The following ARMC3 variants were observed in gnomAD, a reference collection of about 807,000 sequenced individuals.
ARMC3 encodes the protein armadillo repeat containing 3.
Under a neutral mutation model 90.3 loss-of-function variants are expected in ARMC3, and 74 were observed. The observed-to-expected ratio is 0.82, with a 90% CI of 0.68 to 0.99. The LOEUF (loss-of-function observed/expected upper bound fraction) is 0.99, where lower values mean the gene tolerates loss of function less well. ARMC3 is among the 50% of genes least tolerant of loss of function. The pLI is 0.00. For missense variants in ARMC3, 958 were observed against 1,042.8 expected (o/e 0.92, Z 1.12); for synonymous variants, 334 against 361.8 (o/e 0.92, Z 0.87).
At position 22,998,242 on chromosome 10, in the gene ARMC3, A is replaced by G. The variant is rs540042283; in HGVS notation, c.1270A>G (p.Asn424Asp). The G allele has an allele frequency of 1.9e-6, 3 of 1,613,042 alleles. No individual in the cohort carries two copies. Among genetic ancestry groups the G allele is most frequent in the East Asian group, 4.5e-5 (2 of 44,814 alleles). The change falls in exon 11 of 19, where the codon AAC becomes GAC. Residue 424 changes from asparagine to aspartate, a missense_variant. By Grantham distance (23) the Asn-to-Asp change is conservative (BLOSUM62 1). Coordinates refer to ENST00000298032, the MANE Select transcript of ARMC3 (RefSeq NM_173081.5). ...AIANAATVLT[N>D]MAMQEPLRLN... ...TGCCAACGCTGCTACAGTATTAACA[A>G]ACATGGCCATGCAGGAGCCCCTGCG...
At chr10:22,983,292 A>T (rs537757152) in intron 10 of ARMC3, among the ~76,000 whole-genome samples, 2 of 152,304 alleles carry the variant, frequency 1.3e-5, no homozygotes, top group South Asian at 4.1e-4. Context: ...ACATAAAATC[A>T]TAGAAAATTA....
intron 16 of ARMC3, chr10:23,014,322 C>G: frequency 7.1e-7 from 1 of 1,404,084 alleles, no homozygotes; most frequent in Non-Finnish European, 9.3e-7. Flanking sequence ...GCTCAATGTG[C>G]GTCCCTTCTC....
rs906747874 is a variant in ARMC3, at chr10:23,037,433, T to C, written c.2573T>C (p.Leu858Pro). 4 of 1,614,114 alleles carry C rather than the reference T, an allele frequency of 2.5e-6. No individual in the cohort carries two copies. The highest frequency in any genetic ancestry group is 3.4e-6 in the Non-Finnish European group (4 of 1,179,942). ...GACCTCATGTTCCATCCAGGTGGACTGATGAAGTTGAGAAGTCGAGAGGCT... is the reference window on the plus strand; with the variant it reads ...GACCTCATGTTCCATCCAGGTGGACCGATGAAGTTGAGAAGTCGAGAGGCT... ...VIDLMFHPGGLMKLRSREADL... is the reference protein window; with the variant it reads ...VIDLMFHPGGPMKLRSREADL... The change falls in exon 19 of 19, where the codon CTG becomes CCG. Residue 858 changes from leucine to proline, a missense_variant. Physicochemically the swap from Leu to Pro is moderately conservative, Grantham distance 98 (BLOSUM62 -3). Coordinates refer to ENST00000298032, the MANE Select transcript of ARMC3 (RefSeq NM_173081.5).
chr10:23,013,357 C>A lies in ARMC3; in HGVS notation c.2045+4426C>A, dbSNP rs114787752. 4.3e-3 allele frequency among the ~76,000 whole-genome samples: 662 copies of A among 152,254 alleles called. 6 individuals carry two copies. The highest frequency in any genetic ancestry group is 0.015 in the African/African-American group (628 of 41,546). On this transcript the variant is annotated intron_variant, in intron 16 of 18. Transcript: ENST00000298032. ...TCCTATTCATTCTTTATTTTCTTTACAGCTTTGTTTTTGTGAAGCCTTCTC... is the reference window on the plus strand; with the variant it reads ...TCCTATTCATTCTTTATTTTCTTTAAAGCTTTGTTTTTGTGAAGCCTTCTC...
chr10:22,990,205 A>G (rs944583627), intron 10 of ARMC3, among the ~76,000 whole-genome samples: 4 of 151,956 alleles, frequency 2.6e-5, no homozygotes, highest in Admixed American at 6.6e-5. Context: ...TTAAACCTAT[A>G]TAAGGTTATT....
chr10:23,009,395 C>A (rs965587302), intron 16 of ARMC3, among the ~76,000 whole-genome samples: 1 of 152,222 alleles, frequency 6.6e-6, no homozygotes, highest in Admixed American at 6.5e-5. Flanking sequence ...CCATCTCTGA[C>A]CCTCCATGGG....
At position 22,976,974 on chromosome 10, in the gene ARMC3, A is replaced by G. The variant is rs116046007; in HGVS notation, c.917-4366A>G. Among the ~76,000 whole-genome samples, 427 of 152,292 alleles carry G rather than the reference A, an allele frequency of 2.8e-3. 1 individual carries two copies. The highest frequency in any genetic ancestry group is 8.8e-3 in the African/African-American group (365 of 41,550). ...CCCACTTGGCATCAGAGATTCTTCTATTTTACACAAGCACATGGCCATTGG... is the reference window on the plus strand; with the variant it reads ...CCCACTTGGCATCAGAGATTCTTCTGTTTTACACAAGCACATGGCCATTGG... On this transcript the variant is annotated intron_variant, in intron 8 of 18. Coordinates refer to ENST00000298032, the MANE Select transcript of ARMC3 (RefSeq NM_173081.5).
intron 17 of ARMC3, 78 bp from the exon 18 acceptor site, chr10:23,032,783 T>A (rs1838964626): frequency 7.2e-7 from 1 of 1,384,864 alleles, no homozygotes. Flanking sequence ...TACATGTATA[T>A]TTACATGTAA....
intron 2 of ARMC3, among the ~76,000 whole-genome samples, chr10:22,938,606 G>A (rs146612177): frequency 3.8e-4 from 58 of 152,306 alleles, no homozygotes; most frequent in African/African-American, 1.3e-3. Context: ...GATGAGCTCT[G>A]AAGGTCGAGC....
intron 16 of ARMC3, among the ~76,000 whole-genome samples, chr10:23,025,281 C>G (rs1041545039): frequency 2.0e-5 from 3 of 151,898 alleles, no homozygotes; most frequent in African/African-American, 7.3e-5. Context: ...GTAGAACACT[C>G]CAACAATAAC....
At chr10:22,977,864 T>C (rs1217438503) in intron 8 of ARMC3, among the ~76,000 whole-genome samples, 1 of 152,228 alleles carries the variant, frequency 6.6e-6, no homozygotes, top group Non-Finnish European at 1.5e-5. Context: ...CTCTTCTCAT[T>C]GGAAGTGCAG....
At position 22,937,852 on chromosome 10, in the gene ARMC3, T is replaced by C. The variant is rs558824044; in HGVS notation, c.48+5808T>C. On this transcript the variant is annotated intron_variant, in intron 2 of 18. Transcript: ENST00000298032. ...TCACCCCAGTATTGTTCATAGGTGATGGAGACAGAGAAACAGCATGGTCCT... is the reference window on the plus strand; with the variant it reads ...TCACCCCAGTATTGTTCATAGGTGACGGAGACAGAGAAACAGCATGGTCCT... 4.6e-5 allele frequency among the ~76,000 whole-genome samples: 7 copies of C among 152,276 alleles called. No homozygotes were observed. In the South Asian group the frequency reaches 1.5e-3, roughly 32 times the overall value.
intron 16 of ARMC3, chr10:23,014,613 T>C (rs1236022299): frequency 3.7e-6 from 2 of 542,928 alleles, no homozygotes; most frequent in African/African-American, 2.1e-5. Context: ...CGGAATATTA[T>C]GCAGCCACAA....
chr10:22,943,039 A>T (rs1047112497), intron 2 of ARMC3, among the ~76,000 whole-genome samples: 1 of 152,204 alleles, frequency 6.6e-6, no homozygotes, highest in African/African-American at 2.4e-5. Flanking sequence ...AATAATGGTT[A>T]TCTCTCATGG....
intron 16 of ARMC3, among the ~76,000 whole-genome samples, chr10:23,016,740 C>A (rs746354831): frequency 1.5e-4 from 23 of 152,194 alleles, no homozygotes; most frequent in Non-Finnish European, 2.9e-4. Context: ...CCCGGAAATT[C>A]TCTCTTTTTA....
At chr10:23,037,150 TA>T in intron 18 of ARMC3, 119 bp from the exon 19 acceptor site, 1 of 917,732 alleles carries the variant, frequency 1.1e-6, no homozygotes, top group Admixed American at 2.7e-5. Context: ...GCCTCCTATC[TA>T]AACATTTCTT....
At chr10:22,984,398 TAATC>T (rs909814756) in intron 10 of ARMC3, among the ~76,000 whole-genome samples, 6 of 152,180 alleles carry the variant, frequency 3.9e-5, no homozygotes, top group African/African-American at 9.6e-5. Context: ...CTAAATTAAA[TAATC>T]AACACAGGGA....
intron 16 of ARMC3, among the ~76,000 whole-genome samples, chr10:23,028,343 A>G (rs1269666316): frequency 1.4e-5 from 2 of 141,684 alleles, no homozygotes; most frequent in Non-Finnish European, 3.1e-5. Flanking sequence ...TATGTCTTCT[A>G]TTTATTTCTA....
chr10:23,031,537 C>A (rs933532252), intron 17 of ARMC3, among the ~76,000 whole-genome samples: 1 of 152,160 alleles, frequency 6.6e-6, no homozygotes, highest in African/African-American at 2.4e-5. Flanking sequence ...CTGGATGTGA[C>A]AACTGCAAGT....
Sources: gnomAD v4.1 joint callset for allele counts (sites outside exome capture counted in the v4.1 genomes callset) on GRCh38, gnomAD v4.1.1 for gene constraint, MANE v1.5 for transcripts, NCBI Gene and HGNC (gene_info 2026-07-23, HGNC 2026-07-21) for gene names.